ZNF653: variants seen among roughly 807,000 people sequenced by gnomAD.
ZNF653 encodes 67 kDa zinc finger protein.
ZNF653 carries 37 observed loss-of-function variants against 59.9 expected under a neutral mutation model. The observed-to-expected ratio is 0.62, with a 90% CI of 0.48 to 0.81. ZNF653 has a LOEUF of 0.81. ZNF653 is among the 40% of genes least tolerant of loss of function. The pLI is 0.00. For synonymous variants in ZNF653, 435 were observed against 371.8 expected (o/e 1.17, Z -1.96); for missense variants, 808 against 881.1 (o/e 0.92, Z 1.05).
intron 2 of ZNF653, among the ~76,000 whole-genome samples, chr19:11,496,584 TG>T (rs150954857): frequency 0.035 from 5,320 of 152,114 alleles, 300 homozygotes; most frequent in African/African-American, 0.12. Context: ...CAGAATCCAC[TG>T]GGCCAGGCGC....
intron 1 of ZNF653, 139 bp downstream of exon 1, chr19:11,505,349 G>C (rs920920051): frequency 1.1e-6 from 1 of 887,988 alleles, no homozygotes; most frequent in African/African-American, 1.8e-5. Flanking sequence ...GGCAGTACGA[G>C]ACCCAGGCCG....
At chr19:11,485,798 C>T in intron 6 of ZNF653, 28 bp from the exon 7 acceptor site, 19 of 1,568,946 alleles carry the variant, frequency 1.2e-5, no homozygotes, top group Non-Finnish European at 1.6e-5. Flanking sequence ...AGAAGTGGGT[C>T]CCATAGGCCC....
At position 11,486,850 on chromosome 19, in the gene ZNF653, C is replaced by A. The variant is rs1971470751; in HGVS notation, c.1374G>T (p.Met458Ile). Residue 458 changes from methionine (M) to isoleucine (I), a missense_variant, in exon 6 of 9, where the codon ATG becomes ATT. Met to Ile is a conservative substitution (Grantham distance 10). Coordinates refer to ENST00000293771, the MANE Select transcript of ZNF653 (RefSeq NM_138783.4). ...KRRRSKRSRV[M>I]DADGLLEMFH... ...ACATCTCGAGCAGGCCGTCAGCATC[C>A]ATCACCCGCGACCGCTTGCTCCGCC... 1 of 1,611,680 alleles carries A rather than the reference C, an allele frequency of 6.2e-7. No homozygotes were observed. The highest frequency in any genetic ancestry group is 8.5e-7 in the Non-Finnish European group (1 of 1,179,032).
chr19:11,496,621 A>G (rs923855027), intron 2 of ZNF653, among the ~76,000 whole-genome samples: 13 of 152,134 alleles, frequency 8.5e-5, no homozygotes, highest in Non-Finnish European at 1.3e-4. Context: ...CAATCCTAGC[A>G]CTTTGGGAGG....
At position 11,495,641 on chromosome 19, in the gene ZNF653, C is replaced by T. The variant is rs1971578941; in HGVS notation, c.559+309G>A. The stretch of plus-strand genomic sequence containing the variant: ...GCCGAGCCCTGCCCCAGCAGGCCTG[C>T]CCCCGCCCCAGCTGCCAAGCCAGGG... On this transcript the variant is annotated intron_variant, in intron 3 of 8. Coordinates refer to ENST00000293771, the MANE Select transcript of ZNF653 (RefSeq NM_138783.4). This position sits in a 1 kb window ranked among gnomAD's most constrained non-coding sequence, Gnocchi z 4.9. The T allele has an allele frequency of 2.4e-6, 1 of 411,260 alleles. No individual in the cohort carries two copies. Among genetic ancestry groups the T allele is most frequent in the South Asian group, 2.3e-5 (1 of 43,164 alleles). The allele number at this position is 411,260 out of a possible 1,614,324, so 25.5% of individuals were successfully genotyped here. A position where few individuals can be genotyped will look rare whatever the true frequency, so the allele number is the denominator to read the frequency against.
Position 11,495,992 on chromosome 19 carries a change from G to T in ZNF653, c.517C>A (p.Pro173Thr), listed in dbSNP as rs750385686. 1.2e-6 allele frequency: 2 copies of T among 1,614,192 alleles called. No homozygotes were observed. Among genetic ancestry groups the T allele is most frequent in the Non-Finnish European group, 1.7e-6 (2 of 1,180,018 alleles). Residue 173 changes from proline to threonine, a missense_variant, in exon 3 of 9, where the codon CCC becomes ACC. Pro to Thr is a conservative substitution (Grantham distance 38, BLOSUM62 -1). Coordinates refer to ENST00000293771, the MANE Select transcript of ZNF653 (RefSeq NM_138783.4). This position sits in a 1 kb window ranked among gnomAD's most constrained non-coding sequence, Gnocchi z 4.9. ...GHRYFQDLHS[P>T]LKPLSDSDPD... Reference sequence around the variant, plus strand: ...TCTGAGTCGCTGAGGGGCTTCAGGGGCGAATGCAGGTCCTGGAAGTAGCGG... The same window carrying T: ...TCTGAGTCGCTGAGGGGCTTCAGGGTCGAATGCAGGTCCTGGAAGTAGCGG...
chr19:11,493,514 G>A (rs1213816290), intron 3 of ZNF653, among the ~76,000 whole-genome samples: 4 of 152,228 alleles, frequency 2.6e-5, no homozygotes, highest in African/African-American at 7.2e-5. Context: ...CAGGGTTGGG[G>A]ATAAGGAGGA....
intron 7 of ZNF653, 115 bp from the exon 8 acceptor site, chr19:11,484,256 G>A: frequency 2.5e-6 from 2 of 814,768 alleles, no homozygotes; most frequent in African/African-American, 1.7e-5. Context: ...TCCCAGGACT[G>A]CAGGTGCAGG....
At chr19:11,491,654 C>G (rs1332769724) in intron 3 of ZNF653, among the ~76,000 whole-genome samples, 1 of 151,872 alleles carries the variant, frequency 6.6e-6, no homozygotes, top group Non-Finnish European at 1.5e-5. Flanking sequence ...GTGGCACGAT[C>G]TTGGCTCACT....
At chr19:11,486,120 T>C (rs1054986453) in intron 6 of ZNF653, among the ~76,000 whole-genome samples, 1 of 152,062 alleles carries the variant, frequency 6.6e-6, no homozygotes, top group Non-Finnish European at 1.5e-5. Context: ...CCGGCTGCTA[T>C]TATTTTTTTC....
intron 1 of ZNF653, chr19:11,505,056 A>C (rs1971694995): frequency 6.0e-6 from 1 of 165,698 alleles, no homozygotes; most frequent in African/African-American, 2.4e-5. Flanking sequence ...GGGGCACCAG[A>C]ACTTCAAGAA....
chr19:11,501,034 C>A (rs10404071), intron 1 of ZNF653, among the ~76,000 whole-genome samples: 1 of 152,150 alleles, frequency 6.6e-6, no homozygotes, highest in African/African-American at 2.4e-5. Flanking sequence ...CGGGGCTACT[C>A]AGGCCCTGGC....
intron 3 of ZNF653, among the ~76,000 whole-genome samples, chr19:11,494,258 G>A (rs1180388231): frequency 2.0e-5 from 3 of 151,042 alleles, no homozygotes; most frequent in African/African-American, 7.3e-5. Context: ...GGAGGCAGAG[G>A]TTGCAGTGAG....
chr19:11,503,833 A>G (rs1971672287), intron 1 of ZNF653, among the ~76,000 whole-genome samples: 1 of 148,932 alleles, frequency 6.7e-6, no homozygotes, highest in Admixed American at 6.7e-5. Flanking sequence ...GCTGGGCACA[A>G]TGGCTTACAC....
chr19:11,495,272 G>C lies in ZNF653; in HGVS notation c.559+678C>G, dbSNP rs1214997252. Among the ~76,000 whole-genome samples the C allele has an allele frequency of 2.0e-5, 3 of 152,138 alleles. No individual in the cohort carries two copies. Among genetic ancestry groups the C allele is most frequent in the African/African-American group, 7.2e-5 (3 of 41,434 alleles). ...CACTGAGTCCCTGCCCCGTGGGATG[G>C]GAAGGAGAGAGGCAGGGACCGCGAA... On this transcript the variant is annotated intron_variant, in intron 3 of 8. Coordinates refer to ENST00000293771, the MANE Select transcript of ZNF653 (RefSeq NM_138783.4). This position sits in a 1 kb window ranked among gnomAD's most constrained non-coding sequence, Gnocchi z 4.9.
chr19:11,484,122 G>C lies in ZNF653; in HGVS notation c.1590C>G (p.Cys530Trp), dbSNP rs901756793. 6.4e-7 allele frequency: 1 copy of C among 1,554,344 alleles called. No individual in the cohort carries two copies. The highest frequency in any genetic ancestry group is 1.4e-5 in the African/African-American group (1 of 73,128). Residue 530 changes from cysteine (C) to tryptophan (W), a missense_variant, in exon 8 of 9, where the codon TGC (cysteine) becomes TGG (tryptophan). Transcript: ENST00000293771. ...IIHSGVREFT[C>W]ETCGKSFKRK... ...TCTTGAAGGACTTGCCGCAGGTCTC[G>C]CAGGTGAATTCACGGACACCTGGGG...
chr19:11,488,689 C>T (rs1971498178), intron 3 of ZNF653, among the ~76,000 whole-genome samples: 1 of 151,600 alleles, frequency 6.6e-6, no homozygotes, highest in Admixed American at 6.6e-5. Flanking sequence ...GCTCCGCTTC[C>T]CAGGTTCACA....
At chr19:11,501,610 C>T (rs1312058649) in intron 1 of ZNF653, among the ~76,000 whole-genome samples, 1 of 152,166 alleles carries the variant, frequency 6.6e-6, no homozygotes, top group African/African-American at 2.4e-5. Context: ...ATCACAGTCA[C>T]CAGTGACGGC....
At chr19:11,486,258 C>A (rs1971464550) in intron 6 of ZNF653, among the ~76,000 whole-genome samples, 1 of 152,198 alleles carries the variant, frequency 6.6e-6, no homozygotes, top group Admixed American at 6.5e-5. Context: ...CGCACCTGGC[C>A]AAGGGCAGCT....
Sources: gnomAD v4.1 joint callset for allele counts (sites outside exome capture counted in the v4.1 genomes callset) on GRCh38, gnomAD v4.1.1 for gene constraint, Gnocchi (gnomAD v3.1) non-coding constraint, MANE v1.5 for transcripts, NCBI Gene and HGNC (gene_info 2026-07-23, HGNC 2026-07-21) for gene names.